The following AFF3 variants were observed in gnomAD, a reference collection of about 807,000 sequenced individuals.
AFF3 encodes AF4/FMR2 family member 3.
In AFF3, 32 loss-of-function variants were observed where a neutral mutation model predicts 129.7. The ratio of observed to expected loss-of-function variants is 0.25; its 90% CI spans 0.19 to 0.33. AFF3 has a LOEUF of 0.33. AFF3 is among the 10% of genes least tolerant of loss of function. The pLI is 1.00. For missense variants in AFF3, 1,373 were observed against 1,592.0 expected (o/e 0.86, Z 2.34); for synonymous variants, 644 against 635.4 (o/e 1.01, Z -0.20).
chr2:99,820,535 CT>C (rs1687576823), intron 8 of AFF3, among the ~76,000 whole-genome samples: 1 of 151,702 alleles, frequency 6.6e-6, no homozygotes, highest in African/African-American at 2.4e-5. Context: ...TTTATAAACA[CT>C]ATGCACTTAA....
chr2:100,036,237 A>C (rs1308045005), intron 4 of AFF3, among the ~76,000 whole-genome samples: 1 of 150,698 alleles, frequency 6.6e-6, no homozygotes, highest in Non-Finnish European at 1.5e-5. Context: ...CACCCTGCTC[A>C]CAATGTGCCA....
At chr2:99,737,560 G>C (rs560390054) in intron 10 of AFF3, among the ~76,000 whole-genome samples, 1 of 151,972 alleles carries the variant, frequency 6.6e-6, no homozygotes, top group East Asian at 1.9e-4. Flanking sequence ...TCAGGTGTAA[G>C]TTGGTTGAGT....
intron 7 of AFF3, among the ~76,000 whole-genome samples, chr2:99,997,543 T>A (rs1242220231): frequency 6.7e-6 from 1 of 149,422 alleles, no homozygotes; most frequent in Non-Finnish European, 1.5e-5. Context: ...CCATTACAGC[T>A]CATTCTCAGT....
At chr2:99,810,394 C>T (rs1356698221) in intron 8 of AFF3, among the ~76,000 whole-genome samples, 1 of 152,228 alleles carries the variant, frequency 6.6e-6, no homozygotes, top group African/African-American at 2.4e-5. Flanking sequence ...CTGTGTCAGG[C>T]AGTCAACAAG....
chr2:99,577,601 C>T (rs956904820), intron 18 of AFF3, among the ~76,000 whole-genome samples: 5 of 152,328 alleles, frequency 3.3e-5, no homozygotes, highest in East Asian at 1.9e-4. Flanking sequence ...ATTTGACGCC[C>T]GTAGGACTGC....
rs536860687 is a variant in AFF3, at chr2:99,986,411, A to G, written c.873+20221T>C. 2.0e-5 allele frequency among the ~76,000 whole-genome samples: 3 copies of G among 152,042 alleles called. No homozygotes were observed. The South Asian group carries it at 6.2e-4, about 32-fold the overall frequency. On this transcript the variant is annotated intron_variant, in intron 7 of 24. Coordinates refer to ENST00000672756, the MANE Select transcript of AFF3 (RefSeq NM_001386135.1). ...CCTTATTAGCCATTTTTATCAAGTC[A>G]TAAGTTTCACTTTTTAAATGAATAA... is the stretch of plus-strand genomic sequence containing the variant.
rs56113249 is a variant in AFF3 at position 99,906,844 on chromosome 2, TACACAC to T, written c.874-69326_874-69321del. 8.0e-4 allele frequency among the ~76,000 whole-genome samples: 117 copies of T among 146,442 alleles called. 1 individual carries two copies. The highest frequency in any genetic ancestry group is 2.8e-3 in the African/African-American group (111 of 40,010). Reference sequence around the variant, plus strand: ...AATCAATCAACCTACCTATCCATATTACACACACACACACACACACACACACACAAT... The same window carrying T: ...AATCAATCAACCTACCTATCCATATTACACACACACACACACACACACAAT... On this transcript the variant is annotated intron_variant, in intron 7 of 24. Transcript: ENST00000672756.
intron 18 of AFF3, chr2:99,572,645 T>C (rs1177765032): frequency 2.2e-6 from 1 of 455,764 alleles, no homozygotes; most frequent in African/African-American, 2.0e-5. Flanking sequence ...GCATACCAAA[T>C]GAATTCATCA....
chr2:99,668,957 C>T (rs1221614046), intron 12 of AFF3, among the ~76,000 whole-genome samples: 1 of 152,204 alleles, frequency 6.6e-6, no homozygotes, highest in Non-Finnish European at 1.5e-5. Context: ...GATATCAAAA[C>T]TAGCCAAAGA....
Position 100,046,220 on chromosome 2 carries a change from A to C in AFF3, c.54-37288T>G, listed in dbSNP as rs142874587. 7.2e-5 allele frequency among the ~76,000 whole-genome samples: 11 copies of C among 152,326 alleles called. No individual in the cohort carries two copies. The East Asian group carries it at 2.1e-3, about 29-fold the overall frequency. ...GATTCTGATAACAGCTAATGTTTAC[A>C]TTATCCTATACCTACTCTATAGTGC... On this transcript the variant is annotated intron_variant, in intron 4 of 24. Transcript: ENST00000672756.
chr2:100,106,779 G>A, intron 2 of AFF3: 1 of 985,528 alleles, frequency 1.0e-6, no homozygotes, highest in Non-Finnish European at 1.2e-6. Context: ...AAACATAACC[G>A]TGTTTACTGC....
At chr2:99,996,969 G>A (rs1464019317) in intron 7 of AFF3, among the ~76,000 whole-genome samples, 2 of 151,932 alleles carry the variant, frequency 1.3e-5, no homozygotes, top group Non-Finnish European at 1.5e-5. Flanking sequence ...TATACTCTAC[G>A]TTTTCTTCCT....
At chr2:99,620,120 C>A (rs1268788731) in intron 13 of AFF3, among the ~76,000 whole-genome samples, 1 of 152,066 alleles carries the variant, frequency 6.6e-6, no homozygotes, top group Non-Finnish European at 1.5e-5. Flanking sequence ...AGACATCTGC[C>A]CCAGACCAAC....
intron 4 of AFF3, among the ~76,000 whole-genome samples, chr2:100,065,857 T>G (rs1687681423): frequency 6.6e-6 from 1 of 152,200 alleles, no homozygotes; most frequent in African/African-American, 2.4e-5. Context: ...ACTTATCTGC[T>G]TAAAATTAAG....
At chr2:99,756,900 C>T (rs746062755) in intron 8 of AFF3, among the ~76,000 whole-genome samples, 11 of 152,066 alleles carry the variant, frequency 7.2e-5, no homozygotes, top group Non-Finnish European at 1.3e-4. Context: ...AACTCATGAC[C>T]CACCTTCACA....
chr2:99,635,034 A>G (rs1653626318), intron 13 of AFF3, among the ~76,000 whole-genome samples: 1 of 151,416 alleles, frequency 6.6e-6, no homozygotes, highest in African/African-American at 2.4e-5. Context: ...TATATGATAT[A>G]TATCTCTATG....
At chr2:100,047,845 A>G (rs1685961276) in intron 4 of AFF3, among the ~76,000 whole-genome samples, 1 of 152,210 alleles carries the variant, frequency 6.6e-6, no homozygotes. Flanking sequence ...CTTTAAGATA[A>G]TATTTATTTG....
At chr2:99,753,562 T>C (rs957228522) in intron 8 of AFF3, among the ~76,000 whole-genome samples, 6 of 152,168 alleles carry the variant, frequency 3.9e-5, no homozygotes, top group Non-Finnish European at 8.8e-5. Flanking sequence ...GTCAGGCTTT[T>C]GGAAGGAAAG....
At chr2:99,943,025 G>C (rs1378929814) in intron 7 of AFF3, among the ~76,000 whole-genome samples, 1 of 152,148 alleles carries the variant, frequency 6.6e-6, no homozygotes, top group Non-Finnish European at 1.5e-5. Flanking sequence ...CACTTCAAAA[G>C]CAGCTGTCCT....
Sources: allele counts gnomAD v4.1 joint callset (sites outside exome capture counted in the v4.1 genomes callset), GRCh38; gene constraint gnomAD v4.1.1; transcripts MANE v1.5; gene names NCBI Gene and HGNC (gene_info 2026-07-23, HGNC 2026-07-21).